Variants in SYNE2 observed in about 807,000 individuals in gnomAD.
SYNE2 encodes nesprin-2.
Under a neutral mutation model 856.3 loss-of-function variants are expected in SYNE2, and 431 were observed. The ratio of observed to expected loss-of-function variants is 0.50; its 90% CI spans 0.47 to 0.55. SYNE2 has a LOEUF of 0.55. Ranked by LOEUF, SYNE2 falls within the 20% of genes least tolerant of loss-of-function variation. The probability of loss-of-function intolerance (pLI) is 0.00; values close to 1 mark genes in which losing one functional copy is unlikely to be tolerated. For missense variants in SYNE2, 8,129 were observed against 8,023.2 expected, an observed-to-expected ratio of 1.01 and a Z score of -0.50; for synonymous variants, 2,923 against 2,872.3, an observed-to-expected ratio of 1.02 and a Z score of -0.56.
At chr14:64,123,962 C>T (rs1439346373) in intron 70 of SYNE2, among the ~76,000 whole-genome samples, 3 of 151,054 alleles carry the variant, frequency 2.0e-5, no homozygotes, top group South Asian at 2.1e-4. Flanking sequence ...CCCAGCACTT[C>T]AGGAGCCTGA....
intron 1 of SYNE2, among the ~76,000 whole-genome samples, chr14:63,841,835 T>TC (rs202238479): frequency 0.018 from 2,571 of 141,906 alleles, 25 homozygotes; most frequent in Middle Eastern, 0.036. Context: ...TTTCTTTCTT[T>TC]TTTTTTTTTT....
At chr14:63,901,127 C>G (rs1442962732) in intron 1 of SYNE2, among the ~76,000 whole-genome samples, 1 of 152,194 alleles carries the variant, frequency 6.6e-6, no homozygotes, top group Non-Finnish European at 1.5e-5. Context: ...TTCAGTTAGA[C>G]TGGCAGGGCT....
intron 45 of SYNE2, among the ~76,000 whole-genome samples, chr14:64,037,661 A>C (rs1339224879): frequency 1.3e-5 from 2 of 148,386 alleles, no homozygotes; most frequent in East Asian, 2.0e-4. Flanking sequence ...CCTCCCAGAC[A>C]GGGTGGTGGC....
intron 1 of SYNE2, among the ~76,000 whole-genome samples, chr14:63,809,549 A>G (rs1888532261): frequency 6.6e-6 from 1 of 152,198 alleles, no homozygotes; most frequent in Non-Finnish European, 1.5e-5. Flanking sequence ...GCATGATCAT[A>G]GCTCTCTGCA....
At chr14:64,137,434 A>G (rs1243460192) in intron 78 of SYNE2, among the ~76,000 whole-genome samples, 2 of 152,140 alleles carry the variant, frequency 1.3e-5, no homozygotes, top group African/African-American at 2.4e-5. Flanking sequence ...TATTTTTAGT[A>G]GAGAGGAGGT....
chr14:64,199,765 C>G (rs72720372), intron 99 of SYNE2, among the ~76,000 whole-genome samples: 8,391 of 146,446 alleles, frequency 0.057, 321 homozygotes, highest in Non-Finnish European at 0.08. Flanking sequence ...TGGAGCACAA[C>G]AGGCCTAGCA....
chr14:63,803,141 C>A lies in SYNE2; in HGVS notation c.-305+41155C>A, dbSNP rs150631713. ...GGTGCTGATTGGTGCGTTTACAATC[C>A]CTGCGCTAGATACTAAGGTTCTCCA... On this transcript the variant is annotated intron_variant, in intron 1 of 23. Coordinates refer to the SYNE2 transcript ENST00000674003. Among the ~76,000 whole-genome samples, 1,398 of 152,290 alleles carry A rather than the reference C, an allele frequency of 9.2e-3. 14 individuals are homozygous for A. Among genetic ancestry groups the A allele is most frequent in the South Asian group, 0.045 (215 of 4,830 alleles).
At chr14:63,813,204 A>G (rs1363306617) in intron 1 of SYNE2, among the ~76,000 whole-genome samples, 1 of 152,240 alleles carries the variant, frequency 6.6e-6, no homozygotes, top group Non-Finnish European at 1.5e-5. Context: ...TTATGTAAAC[A>G]ATCAAGCAAG....
intron 20 of SYNE2, among the ~76,000 whole-genome samples, 165 bp from the exon 21 acceptor site, chr14:63,990,777 T>G (rs2096660725): frequency 6.6e-6 from 1 of 152,234 alleles, no homozygotes; most frequent in Non-Finnish European, 1.5e-5. Context: ...TCAATTTGGA[T>G]AGATATCTAA....
rs750847278 is a variant in SYNE2 at position 64,126,692 on chromosome 14, A to T, written c.13802A>T (p.Asn4601Ile). 1.2e-6 allele frequency: 2 copies of T among 1,614,240 alleles called. No homozygotes were observed. Among genetic ancestry groups the T allele is most frequent in the South Asian group, 2.2e-5 (2 of 91,086 alleles). The change falls in exon 73 of 116, where the codon AAC (asparagine) becomes ATC (isoleucine). Residue 4601 changes from asparagine (N) to isoleucine (I), a missense_variant. Transcript: ENST00000555002. The part of the protein sequence containing the change: ...KAMTWPGENT[N>I]LLLECFDNLQ... ...ATGACTTGGCCTGGCGAGAACACCA[A>T]CTTGCTCCTTGAATGTTTTGACAAC...
intron 1 of SYNE2, among the ~76,000 whole-genome samples, chr14:63,897,256 A>G (rs2095267481): frequency 6.6e-6 from 1 of 151,842 alleles, no homozygotes; most frequent in Non-Finnish European, 1.5e-5. Flanking sequence ...CTATCTCTAA[A>G]TAAATAAATA....
At chr14:64,120,849 A>G in intron 67 of SYNE2, 78 bp from the exon 68 acceptor site, 3 of 1,453,324 alleles carry the variant, frequency 2.1e-6, no homozygotes, top group Non-Finnish European at 2.9e-6. Context: ...TTTTCTATGT[A>G]GTCCCATTAT....
intron 26 of SYNE2, 68 bp from the exon 27 acceptor site, chr14:63,998,846 A>G: frequency 6.3e-7 from 1 of 1,578,348 alleles, no homozygotes; most frequent in Non-Finnish European, 8.7e-7. Context: ...TACAGGTGTG[A>G]GCCACTGCGC....
At position 64,031,319 on chromosome 14, in the gene SYNE2, G is replaced by A. The variant is rs4027405; in HGVS notation, c.7183G>A (p.Ala2395Thr). ...DVQESTQESA[A>T]VEKLEEDWEI... ...GCAGGAGTCTACTCAGGAATCAGCT[G>A]CAGTGGAAAAGTTGGAGGAAGACTG... The change falls in exon 45 of 116, where the codon GCA (alanine) becomes ACA (threonine). Residue 2395 changes from alanine (A) to threonine (T), a missense_variant. This residue lies in a region of SYNE2 where 297 missense variants were observed against 380.9 expected (regional missense o/e 0.78). Transcript: ENST00000555002. 1,471,661 of 1,613,968 alleles carry A rather than the reference G, an allele frequency of 0.91. 672,553 individuals are homozygous for A. Among genetic ancestry groups the A allele is most frequent in the Admixed American group, 0.93 (55,802 of 60,020 alleles).
intron 84 of SYNE2, among the ~76,000 whole-genome samples, chr14:64,148,510 A>G (rs886140205): frequency 4.6e-5 from 7 of 151,976 alleles, no homozygotes; most frequent in Non-Finnish European, 7.4e-5. Flanking sequence ...TTGCAGAATT[A>G]TTTCTACTTC....
chr14:64,134,014 T>C (rs1310477997), intron 77 of SYNE2, 55 bp from the exon 78 acceptor site: 7 of 1,603,940 alleles, frequency 4.4e-6, no homozygotes, highest in Admixed American at 1.7e-5. Context: ...TATGTTGTTA[T>C]CTGGAACCAA....
intron 8 of SYNE2, among the ~76,000 whole-genome samples, chr14:63,959,041 G>A (rs1595882896): frequency 6.6e-6 from 1 of 152,136 alleles, no homozygotes; most frequent in Non-Finnish European, 1.5e-5. Context: ...GGCTCATCTT[G>A]TATATTTCCT....
intron 89 of SYNE2, among the ~76,000 whole-genome samples, chr14:64,164,346 G>A (rs191069230): frequency 2.6e-4 from 39 of 152,090 alleles, no homozygotes; most frequent in African/African-American, 4.1e-4. Context: ...TCCTGACCTC[G>A]TGATCCACCT....
At chr14:64,180,053 C>G (rs575936067) in intron 96 of SYNE2, among the ~76,000 whole-genome samples, 3 of 152,250 alleles carry the variant, frequency 2.0e-5, no homozygotes, top group South Asian at 2.1e-4. Flanking sequence ...TTTTTGCATA[C>G]GTTTTAAGGC....
Sources: allele counts gnomAD v4.1 joint callset (sites outside exome capture counted in the v4.1 genomes callset), GRCh38; gene constraint gnomAD v4.1.1; regional missense constraint gnomAD v4.1.1; transcripts MANE v1.5; gene names NCBI Gene and HGNC (gene_info 2026-07-23, HGNC 2026-07-21).